JARID2: variants seen among roughly 807,000 people sequenced by gnomAD.
JARID2 encodes the protein protein Jumonji.
JARID2 carries 21 observed loss-of-function variants against 125.6 expected under a neutral mutation model. The ratio of observed to expected loss-of-function variants is 0.17; its 90% confidence interval spans 0.12 to 0.24. The LOEUF is 0.24. JARID2 is among the 10% of genes least tolerant of loss of function. The pLI is 1.00. For synonymous variants in JARID2, 736 were observed against 661.6 expected (o/e 1.11, Z -1.73); for missense variants, 1,303 against 1,639.6 (o/e 0.79, Z 3.55).
At chr6:15,304,202 C>G (rs1761728669) in intron 1 of JARID2, among the ~76,000 whole-genome samples, 1 of 151,180 alleles carries the variant, frequency 6.6e-6, no homozygotes, top group African/African-American at 2.4e-5. Context: ...GCCTCAGGAT[C>G]AGCTGCCCAT....
chr6:15,352,135 G>A lies in JARID2; in HGVS notation c.46-21982G>A, dbSNP rs116575222. Among the ~76,000 whole-genome samples, 1,422 of 152,082 alleles carry A rather than the reference G, an allele frequency of 9.4e-3. 30 individuals carry two copies. Among genetic ancestry groups the A allele is most frequent in the African/African-American group, 0.031 (1,300 of 41,462 alleles). ...TCTTCATTGCAGGCTTATCTTCCCC[G>A]TTGCCCTCCTGAAATCCTGTTAGTT... On this transcript the variant is annotated intron_variant, in intron 1 of 17. Transcript: ENST00000341776.
At chr6:15,519,572 TAC>T (rs1771731607) in intron 17 of JARID2, among the ~76,000 whole-genome samples, 2 of 152,356 alleles carry the variant, frequency 1.3e-5, no homozygotes, top group East Asian at 3.9e-4. Context: ...GTGTGAAAGT[TAC>T]AAACACAGTT....
chr6:15,320,304 G>T (rs1397334080), intron 1 of JARID2, among the ~76,000 whole-genome samples: 1 of 152,218 alleles, frequency 6.6e-6, no homozygotes, highest in Non-Finnish European at 1.5e-5. Flanking sequence ...GGTAATTCAA[G>T]TTAGGTTAAC....
In JARID2 at chr6:15,452,212, A is replaced by T. The variant is rs769756454; in HGVS notation, c.493+37A>T. ...CAACCATCGGCGGAGGTCTACGTGGAATCTACATGTAAGCCTGAGGTCTAC... is the reference window on the plus strand; with the variant it reads ...CAACCATCGGCGGAGGTCTACGTGGTATCTACATGTAAGCCTGAGGTCTAC... On this transcript the variant is annotated intron_variant, in intron 4 of 17. Transcript: ENST00000341776. The T allele has an allele frequency of 3.1e-6, 5 of 1,609,044 alleles. No homozygotes were observed. In the African/African-American group the frequency reaches 6.7e-5, roughly 22 times the overall value.
At chr6:15,343,860 G>T (rs1023249532) in intron 1 of JARID2, among the ~76,000 whole-genome samples, 12 of 152,316 alleles carry the variant, frequency 7.9e-5, no homozygotes, top group African/African-American at 2.6e-4. Flanking sequence ...TAACTTCGGT[G>T]CCCTGGACTT....
chr6:15,397,817 T>G (rs1028373658), intron 2 of JARID2, among the ~76,000 whole-genome samples: 2 of 152,224 alleles, frequency 1.3e-5, no homozygotes, highest in Non-Finnish European at 2.9e-5. Flanking sequence ...AGAGAAACTC[T>G]AGTGCATGAT....
chr6:15,349,309 T>G (rs548778166), intron 1 of JARID2, among the ~76,000 whole-genome samples: 34 of 152,306 alleles, frequency 2.2e-4, no homozygotes, highest in South Asian at 1.0e-3. Flanking sequence ...GATGGAATTT[T>G]GTGGGCAGGT....
chr6:15,365,761 T>A (rs961059681), intron 1 of JARID2, among the ~76,000 whole-genome samples: 9 of 152,164 alleles, frequency 5.9e-5, no homozygotes, highest in Non-Finnish European at 1.3e-4. Flanking sequence ...TGAAGAAATT[T>A]GCTGCTTTGA....
At chr6:15,400,771 TCGGCCC>T in intron 2 of JARID2, 3 of 984,626 alleles carry the variant, frequency 3.0e-6, no homozygotes, top group Non-Finnish European at 3.6e-6. Flanking sequence ...CCCCTCCCCC[TCGGCCC>T]CATTGCTGTT....
At chr6:15,330,600 A>G (rs1327926891) in intron 1 of JARID2, among the ~76,000 whole-genome samples, 5 of 152,248 alleles carry the variant, frequency 3.3e-5, no homozygotes, top group Non-Finnish European at 5.9e-5. Flanking sequence ...GTATTTCAAA[A>G]ATCAGTTCTA....
intron 2 of JARID2, among the ~76,000 whole-genome samples, chr6:15,382,439 G>T (rs182060238): frequency 6.6e-6 from 1 of 152,112 alleles, no homozygotes; most frequent in Non-Finnish European, 1.5e-5. Flanking sequence ...GGTGGCAGGG[G>T]TCAGCAAATA....
intron 1 of JARID2, among the ~76,000 whole-genome samples, chr6:15,373,011 T>A (rs1178446212): frequency 6.6e-6 from 1 of 152,208 alleles, no homozygotes; most frequent in Non-Finnish European, 1.5e-5. Context: ...CAGGCCTGCT[T>A]CCATTTCTAA....
At position 15,308,746 on chromosome 6, in the gene JARID2, A is replaced by G. The variant is rs1761917939; in HGVS notation, c.45+62162A>G. Among the ~76,000 whole-genome samples the G allele has an allele frequency of 3.3e-5, 5 of 152,340 alleles. No individual in the cohort carries two copies. The South Asian group carries it at 1.0e-3, about 32-fold the overall frequency. ...CTTTGAAAAGACAGGAATTGTAAAAACACGTGGTCACTAATGGAATCTGCA... is the reference window on the plus strand; with the variant it reads ...CTTTGAAAAGACAGGAATTGTAAAAGCACGTGGTCACTAATGGAATCTGCA... On this transcript the variant is annotated intron_variant, in intron 1 of 17. Transcript: ENST00000341776.
chr6:15,511,771 T>C (rs974510749), intron 13 of JARID2, among the ~76,000 whole-genome samples: 40 of 152,306 alleles, frequency 2.6e-4, no homozygotes, highest in East Asian at 9.7e-4. Context: ...AGTGCTGCTT[T>C]GAGCTGAGTT....
intron 1 of JARID2, among the ~76,000 whole-genome samples, chr6:15,271,863 G>A (rs1182866827): frequency 6.6e-6 from 1 of 152,186 alleles, no homozygotes; most frequent in African/African-American, 2.4e-5. Context: ...AGCTGGGCGT[G>A]GTGGTGTGTG....
At chr6:15,468,505 G>T in intron 4 of JARID2, 37 bp from the exon 5 acceptor site, 1 of 1,586,872 alleles carries the variant, frequency 6.3e-7, no homozygotes, top group Non-Finnish European at 8.6e-7. Flanking sequence ...TGAGGGTCAA[G>T]GCCTGTGTTT....
chr6:15,308,045 T>TGG (rs1167198037), intron 1 of JARID2, among the ~76,000 whole-genome samples: 1 of 152,234 alleles, frequency 6.6e-6, no homozygotes, highest in African/African-American at 2.4e-5. Context: ...ACAGAATGGT[T>TGG]GGTAACGGTT....
At chr6:15,385,614 T>C (rs986825455) in intron 2 of JARID2, among the ~76,000 whole-genome samples, 5 of 152,082 alleles carry the variant, frequency 3.3e-5, no homozygotes. Context: ...GGAAAATTCA[T>C]TTGTGTTGAC....
At chr6:15,511,223 CG>C (rs1399059092) in intron 12 of JARID2, 72 bp from the exon 13 acceptor site, 31 of 1,023,914 alleles carry the variant, frequency 3.0e-5, no homozygotes, top group Non-Finnish European at 4.2e-5. Flanking sequence ...CTGAGGGTGA[CG>C]GGGGTGGCCC....
Sources: allele counts gnomAD v4.1 joint callset (sites outside exome capture counted in the v4.1 genomes callset), GRCh38; gene constraint gnomAD v4.1.1; transcripts MANE v1.5; gene names NCBI Gene and HGNC (gene_info 2026-07-23, HGNC 2026-07-21).